The following ATP6V0D2 variants were observed in gnomAD, a reference collection of about 807,000 sequenced individuals.
The protein encoded by ATP6V0D2 is ATPase H+ transporting V0 subunit d2.
In ATP6V0D2, 40 loss-of-function variants were observed where a neutral mutation model predicts 40.0. That is an observed-to-expected ratio of 1.00 (90% CI 0.78 to 1.30). ATP6V0D2 has a LOEUF of 1.30. Ranked by LOEUF, ATP6V0D2 falls within the 50% of genes most tolerant of loss-of-function variation. The pLI is 0.00. For missense variants in ATP6V0D2, 470 were observed against 423.1 expected, an observed-to-expected ratio of 1.11 and a Z score of -0.97; for synonymous variants, 179 against 156.3, an observed-to-expected ratio of 1.15 and a Z score of -1.08.
rs769094980 is a variant in ATP6V0D2 at position 86,152,865 on chromosome 8, T to C, written c.941T>C (p.Phe314Ser). ...AFNRQFHYGV[F>S]YAYVKLKEQE... Reference sequence around the variant, plus strand: ...AACAGACAGTTCCACTACGGTGTGTTTTATGCATATGTAAAGCTGAAGGAA... The same window carrying C: ...AACAGACAGTTCCACTACGGTGTGTCTTATGCATATGTAAAGCTGAAGGAA... Residue 314 changes from phenylalanine (F) to serine (S), a missense_variant, in exon 8 of 8, where the codon TTT (phenylalanine) becomes TCT (serine). Phe to Ser is a radical substitution (Grantham distance 155). Coordinates refer to ENST00000285393, the MANE Select transcript of ATP6V0D2 (RefSeq NM_152565.1). 3 of 1,612,668 alleles carry C rather than the reference T, an allele frequency of 1.9e-6. No homozygotes were observed. The highest frequency in any genetic ancestry group is 2.2e-5 in the South Asian group (2 of 90,682).
At chr8:86,138,535 G>C (rs1818927242) in intron 2 of ATP6V0D2, among the ~76,000 whole-genome samples, 1 of 152,090 alleles carries the variant, frequency 6.6e-6, no homozygotes, top group Non-Finnish European at 1.5e-5. Context: ...ATCCCGAGCA[G>C]AGCTTATACC....
At chr8:86,143,926 G>C (rs1201135740) in intron 5 of ATP6V0D2, among the ~76,000 whole-genome samples, 1 of 152,064 alleles carries the variant, frequency 6.6e-6, no homozygotes, top group Non-Finnish European at 1.5e-5. Flanking sequence ...GGCATCAAAA[G>C]TCCACTATAG....
intron 2 of ATP6V0D2, among the ~76,000 whole-genome samples, chr8:86,129,982 GA>G (rs869058078): frequency 1.6e-3 from 146 of 92,920 alleles, no homozygotes; most frequent in Middle Eastern, 6.3e-3. Context: ...GTCTCGAAAA[GA>G]AAAAAAAAAA....
chr8:86,120,384 G>A (rs1006925619), intron 2 of ATP6V0D2, among the ~76,000 whole-genome samples: 46 of 152,180 alleles, frequency 3.0e-4, no homozygotes, highest in African/African-American at 1.1e-3. Context: ...GAGTGACAGA[G>A]TGAGACCCTG....
chr8:86,138,574 AAATATGAATT>A (rs374283063), intron 2 of ATP6V0D2, among the ~76,000 whole-genome samples: 5 of 152,226 alleles, frequency 3.3e-5, no homozygotes, highest in African/African-American at 1.2e-4. Context: ...AAAATGATTA[AAATATGAATT>A]AATATGAATT....
At chr8:86,145,289 GAAAGAAAGAAAGAAAGAAAGAAAA>G (rs1819044823) in intron 5 of ATP6V0D2, among the ~76,000 whole-genome samples, 90 of 81,804 alleles carry the variant, frequency 1.1e-3, no homozygotes, top group Middle Eastern at 7.9e-3. Flanking sequence ...AAGAAAGAAA[GAAAGAAAGAAAGAAAGAAAGAAAA>G]GAAAGAAGGA....
chr8:86,127,205 C>T lies in ATP6V0D2; in HGVS notation c.303-12252C>T, dbSNP rs542707960. On this transcript the variant is annotated intron_variant, in intron 2 of 7. Transcript: ENST00000285393. The stretch of plus-strand genomic sequence containing the variant: ...CTAAATTCAGCTGACTAGGAAATCA[C>T]GCGATATGACAGGGTTTCCCCATGT... Among the ~76,000 whole-genome samples, 8 of 152,250 alleles carry T rather than the reference C, an allele frequency of 5.3e-5. No individual in the cohort carries two copies. The South Asian group carries it at 1.0e-3, about 20-fold the overall frequency.
Position 86,099,025 on chromosome 8 carries a change from T to C in ATP6V0D2, c.47T>C (p.Leu16Pro), listed in dbSNP as rs771403914. Residue 16 changes from leucine (L) to proline (P), a missense_variant, in exon 1 of 8, where the codon CTG (leucine) becomes CCG (proline). By Grantham distance (98) the Leu-to-Pro change is moderately conservative (BLOSUM62 -3). Coordinates refer to ENST00000285393, the MANE Select transcript of ATP6V0D2 (RefSeq NM_152565.1). ...ELYFNVDHGY[L>P]EGLVRGCKAS... Reference sequence around the variant, plus strand: ...TACTTCAACGTGGACCATGGCTACCTGGAGGGCCTGGTTCGAGGATGCAAG... The same window carrying C: ...TACTTCAACGTGGACCATGGCTACCCGGAGGGCCTGGTTCGAGGATGCAAG... 5 of 1,613,830 alleles carry C rather than the reference T, an allele frequency of 3.1e-6. No individual in the cohort carries two copies. Among genetic ancestry groups the C allele is most frequent in the African/African-American group, 1.3e-5 (1 of 74,846 alleles).
intron 1 of ATP6V0D2, among the ~76,000 whole-genome samples, chr8:86,108,634 T>C (rs551093473): frequency 1.3e-5 from 2 of 152,216 alleles, no homozygotes; most frequent in East Asian, 3.9e-4. Context: ...GGGGTCTCCC[T>C]ATGTTACCCA....
chr8:86,108,928 G>A (rs2130233068), intron 1 of ATP6V0D2, among the ~76,000 whole-genome samples: 1 of 152,192 alleles, frequency 6.6e-6, no homozygotes, highest in East Asian at 1.9e-4. Flanking sequence ...GACTCTATTT[G>A]TTAAAATGGT....
chr8:86,141,564 T>A, intron 4 of ATP6V0D2, 35 bp downstream of exon 4: 1 of 1,459,378 alleles, frequency 6.9e-7, no homozygotes. Context: ...TTTTTCTTGA[T>A]TACACAATGT....
At chr8:86,145,232 AAAGAGAGAGAGAGAGAGAGAGAG>A in intron 5 of ATP6V0D2, among the ~76,000 whole-genome samples, 1 of 42,248 alleles carries the variant, frequency 2.4e-5, no homozygotes, top group Non-Finnish European at 4.4e-5. Flanking sequence ...AGAAAGAAAG[AAAGAGAGAGAGAGAGAGAGAGAG>A]AGAAAGAAAG....
chr8:86,099,481 C>T (rs968588113), intron 1 of ATP6V0D2, among the ~76,000 whole-genome samples: 1 of 152,092 alleles, frequency 6.6e-6, no homozygotes, highest in Non-Finnish European at 1.5e-5. Flanking sequence ...TAAGATACCA[C>T]ACTCATCCTT....
intron 5 of ATP6V0D2, among the ~76,000 whole-genome samples, chr8:86,145,152 G>A (rs1819030131): frequency 7.0e-6 from 1 of 143,550 alleles, no homozygotes. Flanking sequence ...GGGCAACAGA[G>A]TGAGACTCAG....
chr8:86,143,225 T>C (rs554884763), intron 5 of ATP6V0D2, among the ~76,000 whole-genome samples: 1 of 152,300 alleles, frequency 6.6e-6, no homozygotes, highest in South Asian at 2.1e-4. Context: ...ATGATTCATT[T>C]TAATGTAGTA....
In ATP6V0D2 at chr8:86,114,352, G is replaced by A. The variant is rs138917047; in HGVS notation, c.302+472G>A. On this transcript the variant is annotated intron_variant, in intron 2 of 7. Coordinates refer to ENST00000285393, the MANE Select transcript of ATP6V0D2 (RefSeq NM_152565.1). ...TTATCCATCATCTGTGGTTCCAATT[G>A]TGCAACACATGAGCTCCTCATTCTA... 2.6e-3 allele frequency among the ~76,000 whole-genome samples: 393 copies of A among 152,260 alleles called. 2 individuals carry two copies. Among genetic ancestry groups the A allele is most frequent in the African/African-American group, 8.1e-3 (335 of 41,552 alleles).
chr8:86,102,055 C>T (rs10504819), intron 1 of ATP6V0D2, among the ~76,000 whole-genome samples: 1 of 152,022 alleles, frequency 6.6e-6, no homozygotes. Flanking sequence ...CCACCTAACA[C>T]GCTATTGGTG....
At chr8:86,101,194 C>T (rs1230424243) in intron 1 of ATP6V0D2, among the ~76,000 whole-genome samples, 2 of 150,280 alleles carry the variant, frequency 1.3e-5, no homozygotes, top group Non-Finnish European at 3.0e-5. Flanking sequence ...TATAGTGGCT[C>T]ATGCCTGTAA....
At chr8:86,110,998 C>T (rs1165440700) in intron 1 of ATP6V0D2, among the ~76,000 whole-genome samples, 1 of 151,968 alleles carries the variant, frequency 6.6e-6, no homozygotes, top group Non-Finnish European at 1.5e-5. Flanking sequence ...AACACAAAAT[C>T]TACTCTTTAC....
Sources: allele counts gnomAD v4.1 joint callset (sites outside exome capture counted in the v4.1 genomes callset), GRCh38; gene constraint gnomAD v4.1.1; transcripts MANE v1.5; gene names NCBI Gene and HGNC (gene_info 2026-07-23, HGNC 2026-07-21).